The following SEMA3A variants were observed in gnomAD, a reference collection of about 807,000 sequenced individuals.
SEMA3A encodes semaphorin-3A.
A neutral mutation model predicts 97.9 loss-of-function variants in SEMA3A; 29 were observed. The ratio of observed to expected loss-of-function variants is 0.30; its 90% CI spans 0.22 to 0.40. SEMA3A has a LOEUF of 0.40. Ranked by LOEUF, SEMA3A falls within the 10% of genes least tolerant of loss-of-function variation. SEMA3A has a pLI of 1.00. For synonymous variants in SEMA3A, 321 were observed against 323.7 expected (o/e 0.99, Z 0.09); for missense variants, 763 against 951.3 (o/e 0.80, Z 2.60).
At chr7:84,451,428 C>G (rs900382626) in intron 1 of SEMA3A, among the ~76,000 whole-genome samples, 1 of 152,144 alleles carries the variant, frequency 6.6e-6, no homozygotes, top group African/African-American at 2.4e-5. Context: ...TCACAAATAA[C>G]TCCTAAATTG....
intron 6 of SEMA3A, among the ~76,000 whole-genome samples, chr7:84,040,388 G>T (rs1792094754): frequency 6.6e-6 from 1 of 151,988 alleles, no homozygotes; most frequent in Admixed American, 6.6e-5. Context: ...TCTCAGAATA[G>T]AATTTGTTTC....
At chr7:83,969,989 T>C (rs1788853444) in intron 15 of SEMA3A, among the ~76,000 whole-genome samples, 1 of 152,190 alleles carries the variant, frequency 6.6e-6, no homozygotes, top group Admixed American at 6.5e-5. Context: ...AGCAACTGTT[T>C]TGCATACAAA....
intron 1 of SEMA3A, among the ~76,000 whole-genome samples, chr7:84,455,528 CAT>C (rs1338640514): frequency 6.6e-5 from 10 of 151,828 alleles, no homozygotes; most frequent in African/African-American, 2.4e-4. Flanking sequence ...ACATATATTA[CAT>C]GTTAATTTCA....
At chr7:84,245,504 A>T (rs2115582842) in intron 3 of SEMA3A, among the ~76,000 whole-genome samples, 1 of 151,784 alleles carries the variant, frequency 6.6e-6, no homozygotes, top group South Asian at 2.1e-4. Flanking sequence ...CCTTTTTTCA[A>T]GTTTCTTAGC....
chr7:84,022,002 G>T (rs76125976), intron 6 of SEMA3A, among the ~76,000 whole-genome samples: 83 of 152,046 alleles, frequency 5.5e-4, no homozygotes, highest in Non-Finnish European at 5.3e-4. Flanking sequence ...TTCTTTTTAC[G>T]TAGAAGAAGC....
intron 3 of SEMA3A, among the ~76,000 whole-genome samples, chr7:84,288,746 T>C (rs768894392): frequency 8.6e-5 from 13 of 152,006 alleles, no homozygotes; most frequent in Non-Finnish European, 1.8e-4. Flanking sequence ...TGCCAGTGTG[T>C]TCTCTGAACT....
In SEMA3A at chr7:84,027,867, T is replaced by C. The variant is rs570550820; in HGVS notation, c.668-13516A>G. Among the ~76,000 whole-genome samples, 106 of 152,316 alleles carry C rather than the reference T, an allele frequency of 7.0e-4. 1 individual carries two copies. The highest frequency in any genetic ancestry group is 2.4e-3 in the African/African-American group (101 of 41,574). On this transcript the variant is annotated intron_variant, in intron 6 of 16. Transcript: ENST00000265362. Reference sequence around the variant, plus strand: ...TGATACACCTGGACTTAGAACAACATACTATTGTGAAATATCTATCTTTAT... The same window carrying C: ...TGATACACCTGGACTTAGAACAACACACTATTGTGAAATATCTATCTTTAT...
At chr7:84,341,722 T>C (rs1008209060) in intron 2 of SEMA3A, among the ~76,000 whole-genome samples, 1 of 152,162 alleles carries the variant, frequency 6.6e-6, no homozygotes, top group Non-Finnish European at 1.5e-5. Context: ...TCACTGTAGT[T>C]GTCCTTTAGT....
chr7:84,293,102 G>A (rs1206795679), intron 3 of SEMA3A, among the ~76,000 whole-genome samples: 2 of 151,964 alleles, frequency 1.3e-5, no homozygotes, highest in Non-Finnish European at 2.9e-5. Flanking sequence ...CAGGGTGATG[G>A]ATAAGGAAGA....
chr7:84,097,228 C>T (rs986134815), intron 4 of SEMA3A, among the ~76,000 whole-genome samples: 5 of 152,198 alleles, frequency 3.3e-5, no homozygotes, highest in African/African-American at 1.2e-4. Flanking sequence ...AACCCTGGCA[C>T]GTATACAAAA....
intron 2 of SEMA3A, among the ~76,000 whole-genome samples, chr7:84,327,467 T>C (rs1182214917): frequency 1.3e-5 from 2 of 151,866 alleles, no homozygotes; most frequent in African/African-American, 4.8e-5. Context: ...AATGAACCAT[T>C]GATATATGCC....
chr7:83,996,849 A>C (rs571196647), intron 12 of SEMA3A, among the ~76,000 whole-genome samples: 13 of 152,192 alleles, frequency 8.5e-5, no homozygotes, highest in Non-Finnish European at 1.5e-4. Flanking sequence ...AGAGTCCTGT[A>C]CCAATGCCAG....
chr7:84,198,373 A>G (rs1462203582), upstream of SEMA3A, among the ~76,000 whole-genome samples: 1 of 151,716 alleles, frequency 6.6e-6, no homozygotes. Flanking sequence ...TTGTATTTTT[A>G]GTAGAGACAG....
chr7:84,187,246 T>C (rs1445129999), intron 1 of SEMA3A, among the ~76,000 whole-genome samples: 1 of 152,236 alleles, frequency 6.6e-6, no homozygotes, highest in Non-Finnish European at 1.5e-5. Context: ...GTAGAACTGA[T>C]TTGATCTTCA....
chr7:84,447,544 T>G (rs1805449784), intron 1 of SEMA3A, among the ~76,000 whole-genome samples: 1 of 152,096 alleles, frequency 6.6e-6, no homozygotes. Flanking sequence ...CAAACAGACG[T>G]CAGAACTACC....
rs529000776 is a variant in SEMA3A at position 84,079,814 on chromosome 7, A to T, written c.454-19256T>A. Among the ~76,000 whole-genome samples the T allele has an allele frequency of 4.3e-3, 577 of 134,254 alleles. 9 individuals carry two copies. Among genetic ancestry groups the T allele is most frequent in the Non-Finnish European group, 6.8e-3 (440 of 64,764 alleles). 88.1% of individuals were successfully genotyped at this position (134,254 alleles called of 152,430 possible). Reference sequence around the variant, plus strand: ...GTGTGGCGATTCCTCAGGGATCTAGAACTAGAAATACCATTTGACCCAGCC... The same window carrying T: ...GTGTGGCGATTCCTCAGGGATCTAGTACTAGAAATACCATTTGACCCAGCC... On this transcript the variant is annotated intron_variant, in intron 4 of 16. Coordinates refer to ENST00000265362, the MANE Select transcript of SEMA3A (RefSeq NM_006080.3).
intron 4 of SEMA3A, among the ~76,000 whole-genome samples, chr7:84,064,782 GA>G (rs1793409110): frequency 6.6e-6 from 1 of 150,526 alleles, no homozygotes; most frequent in Non-Finnish European, 1.5e-5. Flanking sequence ...AGTCCTGAGT[GA>G]CCTACAAAGA....
At chr7:84,150,416 T>A (rs953403143) in intron 1 of SEMA3A, among the ~76,000 whole-genome samples, 20 of 152,306 alleles carry the variant, frequency 1.3e-4, no homozygotes, top group African/African-American at 2.6e-4. Context: ...GGCGAGGCAT[T>A]GCCTCACTCG....
At chr7:84,304,273 A>C (rs1051049712) in intron 3 of SEMA3A, among the ~76,000 whole-genome samples, 3 of 152,080 alleles carry the variant, frequency 2.0e-5, no homozygotes, top group Admixed American at 6.6e-5. Context: ...TTTTGTTTTA[A>C]GGGCTGAATA....
Sources: gnomAD v4.1 joint callset for allele counts (sites outside exome capture counted in the v4.1 genomes callset) on GRCh38, gnomAD v4.1.1 for gene constraint, MANE v1.5 for transcripts, NCBI Gene and HGNC (gene_info 2026-07-23, HGNC 2026-07-21) for gene names.